Variants in CCDC40 observed in about 807,000 individuals in gnomAD.
CCDC40 encodes the protein coiled-coil domain-containing protein 40.
In CCDC40, 104 loss-of-function variants were observed where a neutral mutation model predicts 124.5. That is an observed-to-expected ratio of 0.84 (90% confidence interval 0.71 to 0.98). The LOEUF is 0.98. Ranked by LOEUF, CCDC40 falls within the 50% of genes least tolerant of loss-of-function variation. The probability of loss-of-function intolerance (pLI) is 0.00; values close to 1 mark genes in which losing one functional copy is unlikely to be tolerated. For synonymous variants in CCDC40, 580 were observed against 602.9 expected (o/e 0.96, Z 0.56); for missense variants, 1,463 against 1,503.9 (o/e 0.97, Z 0.45).
In CCDC40 at chr17:80,081,709, C is replaced by G. The variant is rs864622323; in HGVS notation, c.1726C>G (p.Gln576Glu). ...GCTCACCACCCAGTGCCTGACCAAG[C>G]AGGTGGCCCTGCAGAGCCAGTTCAA... The part of the protein sequence containing the change: ...QKLTTQCLTK[Q>E]VALQSQFNTY... The change falls in exon 11 of 20, where the codon CAG becomes GAG. Residue 576 changes from glutamine (Q) to glutamate (E), a missense_variant. Transcript: ENST00000397545. 14 of 1,614,086 alleles carry G rather than the reference C, an allele frequency of 8.7e-6. No individual in the cohort carries two copies. The highest frequency in any genetic ancestry group is 1.2e-5 in the Non-Finnish European group (14 of 1,180,054).
intron 17 of CCDC40, among the ~76,000 whole-genome samples, chr17:80,091,334 C>CAG (rs1358658983): frequency 7.8e-5 from 8 of 102,690 alleles, no homozygotes; most frequent in East Asian, 7.8e-4. Context: ...CACACACACA[C>CAG]ACACACACAG....
In CCDC40 at chr17:80,058,918, T is replaced by A; in HGVS notation, c.1378T>A (p.Phe460Ile). The change falls in exon 9 of 20, where the codon TTT becomes ATT. Residue 460 changes from phenylalanine to isoleucine, a missense_variant. Transcript: ENST00000397545. This position sits in a 1 kb window ranked among gnomAD's most constrained non-coding sequence, Gnocchi z 4.2. ...AQQLEEDIAL[F>I]EAQYLAQAED... Reference sequence around the variant, plus strand: ...GCAACTGGAAGAAGACATTGCCCTGTTTGAGGCTCAGTACTTGGCCCAAGC... The same window carrying A: ...GCAACTGGAAGAAGACATTGCCCTGATTGAGGCTCAGTACTTGGCCCAAGC... The A allele has an allele frequency of 6.2e-7, 1 of 1,614,148 alleles. No individual in the cohort carries two copies. Among genetic ancestry groups the A allele is most frequent in the Non-Finnish European group, 8.5e-7 (1 of 1,180,014 alleles).
intron 1 of CCDC40, 80 bp downstream of exon 1, chr17:80,036,771 C>G (rs2037070992): frequency 1.5e-6 from 2 of 1,340,560 alleles, no homozygotes; most frequent in South Asian, 2.9e-5. Flanking sequence ...GCCCCCGCGT[C>G]GGCTCCTGCC....
Position 80,087,923 on chromosome 17 carries a change from C to A in CCDC40, c.2620-88C>A. ...ATTAGAAATCCAGCCTGCAGCCCTG[C>A]CCTCGGTGCCGGGATAGAGGGCACC... On this transcript the variant is annotated intron_variant, in intron 15 of 19. Transcript: ENST00000397545. The surrounding 1 kb of genome is among the most constrained non-coding windows in gnomAD (Gnocchi z 4.5). 1 of 1,296,188 alleles carries A rather than the reference C, an allele frequency of 7.7e-7. No homozygotes were observed. The highest frequency in any genetic ancestry group is 1.1e-6 in the Non-Finnish European group (1 of 891,442). The allele number at this position is 1,296,188 out of a possible 1,614,324, so 80.3% of individuals were successfully genotyped here.
chr17:80,037,952 G>A (rs1291384822), intron 1 of CCDC40, 171 bp from the exon 2 acceptor site: 7 of 602,898 alleles, frequency 1.2e-5, no homozygotes, highest in Non-Finnish European at 2.2e-5. Flanking sequence ...CACCTGACAG[G>A]CATGATATAG....
chr17:80,070,461 T>G (rs941815110), intron 10 of CCDC40, among the ~76,000 whole-genome samples: 4 of 151,906 alleles, frequency 2.6e-5, no homozygotes, highest in African/African-American at 9.7e-5. Context: ...AATAGCCAGG[T>G]GTGGTGGTGT....
chr17:80,036,805 C>G, intron 1 of CCDC40, 114 bp downstream of exon 1: 1 of 998,312 alleles, frequency 1.0e-6, no homozygotes, highest in Non-Finnish European at 1.4e-6. Flanking sequence ...TCCACTCCCC[C>G]TTCCTCTCGC....
At chr17:80,089,643 G>A in intron 16 of CCDC40, 121 bp from the exon 17 acceptor site, 1 of 1,235,760 alleles carries the variant, frequency 8.1e-7, no homozygotes, top group Non-Finnish European at 1.2e-6. Context: ...CACGCTTTCT[G>A]TCGCAGCTGC....
At position 80,100,056 on chromosome 17, in the gene CCDC40, G is replaced by T. The variant is rs562391999; in HGVS notation, c.*281G>T. On this transcript the variant is annotated 3_prime_UTR_variant, in exon 20 of 20. Transcript: ENST00000397545. ...CCACACTCCCACACTGGGCTTACTC[G>T]TCCAGGTAACACTTTGGTTTGCAGC... 4.2e-6 allele frequency: 2 copies of T among 475,570 alleles called. No homozygotes were observed. The highest frequency in any genetic ancestry group is 2.1e-5 in the South Asian group (1 of 47,494). 29.5% of individuals were successfully genotyped at this position (475,570 alleles called of 1,614,324 possible). A position where few individuals can be genotyped will look rare whatever the true frequency, so the allele number is the denominator to read the frequency against.
chr17:80,063,934 CAT>C (rs1419458558), intron 9 of CCDC40, among the ~76,000 whole-genome samples: 1 of 152,106 alleles, frequency 6.6e-6, no homozygotes, highest in Non-Finnish European at 1.5e-5. Flanking sequence ...ACACATTGTA[CAT>C]GTGTCGAAAT....
chr17:80,051,863 C>T (rs4889947), intron 7 of CCDC40, among the ~76,000 whole-genome samples: 75 of 152,328 alleles, frequency 4.9e-4, no homozygotes, highest in African/African-American at 1.8e-3. Flanking sequence ...CTCCGGCTCC[C>T]CTCTGCTAGG....
In CCDC40 at chr17:80,087,459, G is replaced by A; in HGVS notation, c.2450-148G>A. ...CTGTCCTGGCAGGGACGAGATTCAG[G>A]CAGGAGCGCCAGGAACGACAAGAGG... On this transcript the variant is annotated intron_variant, in intron 14 of 19. Coordinates refer to ENST00000397545, the MANE Select transcript of CCDC40 (RefSeq NM_017950.4). This position sits in a 1 kb window ranked among gnomAD's most constrained non-coding sequence, Gnocchi z 4.5. 1 of 708,170 alleles carries A rather than the reference G, an allele frequency of 1.4e-6. No individual in the cohort carries two copies. 43.9% of individuals were successfully genotyped at this position (708,170 alleles called of 1,614,324 possible).
chr17:80,036,804 C>G (rs906358406), intron 1 of CCDC40, 113 bp downstream of exon 1: 12 of 1,008,342 alleles, frequency 1.2e-5, no homozygotes, highest in South Asian at 1.8e-5. Flanking sequence ...CTCCACTCCC[C>G]CTTCCTCTCG....
chr17:80,045,912 CCT>C (rs1389421380), intron 3 of CCDC40, among the ~76,000 whole-genome samples: 1 of 151,708 alleles, frequency 6.6e-6, no homozygotes. Flanking sequence ...CTGATGCCAC[CCT>C]GTTATTGATC....
At chr17:80,045,669 A>G (rs2037402681) in intron 3 of CCDC40, among the ~76,000 whole-genome samples, 1 of 152,020 alleles carries the variant, frequency 6.6e-6, no homozygotes, top group African/African-American at 2.4e-5. Flanking sequence ...GTGCCACTGC[A>G]CTCCAGCCTG....
At chr17:80,064,946 G>A (rs549271757) in intron 9 of CCDC40, among the ~76,000 whole-genome samples, 20 of 152,050 alleles carry the variant, frequency 1.3e-4, no homozygotes, top group African/African-American at 3.6e-4. Context: ...ACCTCAGTCC[G>A]AATCAATGAC....
intron 9 of CCDC40, among the ~76,000 whole-genome samples, chr17:80,063,956 T>TA (rs2037969262): frequency 6.6e-6 from 1 of 152,158 alleles, no homozygotes; most frequent in South Asian, 2.1e-4. Flanking sequence ...TATCACTCTG[T>TA]ACCCCAGAGA....
At chr17:80,052,873 C>G (rs138966230) in intron 7 of CCDC40, among the ~76,000 whole-genome samples, 3 of 152,264 alleles carry the variant, frequency 2.0e-5, no homozygotes, top group Non-Finnish European at 4.4e-5. Context: ...ATAAAGAGAA[C>G]AAAGTGTTAG....
intron 3 of CCDC40, 170 bp downstream of exon 3, chr17:80,040,440 A>G: frequency 2.9e-6 from 2 of 697,858 alleles, no homozygotes; most frequent in Non-Finnish European, 4.8e-6. Context: ...GCACTTTGGG[A>G]GGCGAAGGTG....
Sources: gnomAD v4.1 joint callset for allele counts (sites outside exome capture counted in the v4.1 genomes callset) on GRCh38, gnomAD v4.1.1 for gene constraint, Gnocchi (gnomAD v3.1) non-coding constraint, MANE v1.5 for transcripts, NCBI Gene and HGNC (gene_info 2026-07-23, HGNC 2026-07-21) for gene names.